The following SLC12A4 variants were observed in gnomAD, a reference collection of about 807,000 sequenced individuals.
The protein encoded by SLC12A4 is solute carrier family 12 member 4.
Under a neutral mutation model 119.2 loss-of-function variants are expected in SLC12A4, and 84 were observed. That is an observed-to-expected ratio of 0.70 (90% CI 0.59 to 0.85). SLC12A4 has a LOEUF of 0.85. Among genes scored for constraint, SLC12A4 ranks in the 40% least tolerant of loss-of-function variants. The pLI, the probability that SLC12A4 is intolerant of heterozygous loss-of-function variation, is 0.00. For missense variants in SLC12A4, 1,298 were observed against 1,476.3 expected, an observed-to-expected ratio of 0.88 and a Z score of 1.98; for synonymous variants, 599 against 604.6, an observed-to-expected ratio of 0.99 and a Z score of 0.14.
intron 1 of SLC12A4, among the ~76,000 whole-genome samples, chr16:67,966,094 C>T (rs1012755141): frequency 3.3e-5 from 5 of 152,180 alleles, no homozygotes; most frequent in Non-Finnish European, 5.9e-5. Flanking sequence ...CAGACCTTCC[C>T]CCGTGTGACC....
Position 67,950,017 on chromosome 16 carries a change from G to A in SLC12A4, c.1630-99C>T, listed in dbSNP as rs1390295864. The A allele has an allele frequency of 1.1e-6, 1 of 944,274 alleles. No homozygotes were observed. Among genetic ancestry groups the A allele is most frequent in the Non-Finnish European group, 1.7e-6 (1 of 599,222 alleles). 58.5% of individuals were successfully genotyped at this position (944,274 alleles called of 1,614,324 possible). The stretch of plus-strand genomic sequence containing the variant: ...CTCCCTCACCCCCAGGGCCCGCCTT[G>A]GGGGCTCAGGCCGCCCCTGTGTCTA... On this transcript the variant is annotated intron_variant, in intron 12 of 23. Transcript: ENST00000316341. The surrounding 1 kb of genome is among the most constrained non-coding windows in gnomAD (Gnocchi z 4.3).
In SLC12A4 at chr16:67,955,877, C is replaced by CAA. The variant is rs773351935; in HGVS notation, c.545-1106_545-1105dup. 5.9e-5 allele frequency among the ~76,000 whole-genome samples: 8 copies of CAA among 134,560 alleles called. No homozygotes were observed. The Middle Eastern group carries it at 0.012, about 209-fold the overall frequency. 88.3% of individuals were successfully genotyped at this position (134,560 alleles called of 152,430 possible). A position where few individuals can be genotyped will look rare whatever the true frequency, so the allele number is the denominator to read the frequency against. ...CTGGCGACAGAGTGAGACTCCGTCT[C>CAA]AAAAAAAAAAAAATGTCAGCTGGGC... On this transcript the variant is annotated intron_variant, in intron 5 of 23. Transcript: ENST00000316341.
Position 67,968,567 on chromosome 16 carries a change from CCCCGCCGCA to C in SLC12A4, c.-23_-15del, listed in dbSNP as rs2030969426. On this transcript the variant is annotated 5_prime_UTR_variant, in exon 1 of 24. Coordinates refer to ENST00000316341, the MANE Select transcript of SLC12A4 (RefSeq NM_005072.5). The stretch of plus-strand genomic sequence containing the variant: ...GAAGTGAGGCATCGTGCGGGCTCGG[CCCCGCCGCA>C]CCCGCCGTCCCAGCCGCCCGCCGCT... 1 of 1,505,370 alleles carries C rather than the reference CCCCGCCGCA, an allele frequency of 6.6e-7. No individual in the cohort carries two copies. Among genetic ancestry groups the C allele is most frequent in the Non-Finnish European group, 8.8e-7 (1 of 1,131,814 alleles). The allele number at this position is 1,505,370 out of a possible 1,614,324, so 93.3% of individuals were successfully genotyped here. A position where few individuals can be genotyped will look rare whatever the true frequency, so the allele number is the denominator to read the frequency against.
At chr16:67,963,947 C>G in intron 1 of SLC12A4, 1 of 1,551,524 alleles carries the variant, frequency 6.4e-7, no homozygotes, top group Non-Finnish European at 8.7e-7. Flanking sequence ...TGCAGGATGC[C>G]AAGGGTTCGG....
chr16:67,956,656 C>T lies in SLC12A4; in HGVS notation c.544+1086G>A, dbSNP rs1169931077. ...CTGAGATCATGCCACTGCACTCCAG[C>T]CTGGGTGACAGAGAGAGACTCTGTC... is the stretch of plus-strand genomic sequence containing the variant. On this transcript the variant is annotated intron_variant, in intron 5 of 23. Transcript: ENST00000316341. Among the ~76,000 whole-genome samples the T allele has an allele frequency of 2.0e-5, 3 of 151,962 alleles. No homozygotes were observed. The East Asian group carries it at 5.8e-4, about 29-fold the overall frequency.
rs761954895 is a variant in SLC12A4, at chr16:67,963,582, A to G, written c.116-23T>C. 8 of 1,517,372 alleles carry G rather than the reference A, an allele frequency of 5.3e-6. No homozygotes were observed. In the Admixed American group the frequency reaches 1.8e-4, roughly 34 times the overall value. The allele number at this position is 1,517,372 out of a possible 1,614,324, so 94.0% of individuals were successfully genotyped here. On this transcript the variant is annotated intron_variant, in intron 1 of 23. Transcript: ENST00000316341. ...GTCCTGTGAAGAGAGAGGGACAATC[A>G]GGGCCTGCTTCCTGAGCCCCCCAGC...
chr16:67,947,185 C>A, intron 16 of SLC12A4, 80 bp from the exon 17 acceptor site: 4 of 1,521,088 alleles, frequency 2.6e-6, no homozygotes, highest in Non-Finnish European at 3.5e-6. Flanking sequence ...CTTCTCGGGT[C>A]GTGGTCCCTG....
intron 3 of SLC12A4, among the ~76,000 whole-genome samples, chr16:67,958,762 C>T (rs964855728): frequency 2.0e-5 from 3 of 152,136 alleles, no homozygotes; most frequent in African/African-American, 7.2e-5. Context: ...TTCTGCGAAC[C>T]TGAGAATGTG....
At chr16:67,967,983 G>C (rs988062396) in intron 1 of SLC12A4, among the ~76,000 whole-genome samples, 1 of 152,198 alleles carries the variant, frequency 6.6e-6, no homozygotes, top group Non-Finnish European at 1.5e-5. Context: ...GGCGCAGAGA[G>C]GCACACGGAG....
chr16:67,951,945 T>C lies in SLC12A4; in HGVS notation c.1010A>G (p.Gln337Arg), dbSNP rs1008464449. Residue 337 changes from glutamine to arginine, a missense_variant, in exon 8 of 24, where the codon CAG (glutamine) becomes CGG (arginine). By Grantham distance (43) the Gln-to-Arg change is conservative. Coordinates refer to ENST00000316341, the MANE Select transcript of SLC12A4 (RefSeq NM_005072.5). This position sits in a 1 kb window ranked among gnomAD's most constrained non-coding sequence, Gnocchi z 5.2. Reference sequence around the variant, plus strand: ...GCTGTGGCAGAAGAAACTCCATAGCTGGGTGGCCACTGTCTCATTGTCCAC... The same window carrying C: ...GCTGTGGCAGAAGAAACTCCATAGCCGGGTGGCCACTGTCTCATTGTCCAC... The part of the protein sequence containing the change: ...AVVDNETVAT[Q>R]LWSFFCHSPN... The C allele has an allele frequency of 3.1e-5, 50 of 1,613,902 alleles. No homozygotes were observed. Among genetic ancestry groups the C allele is most frequent in the Non-Finnish European group, 4.0e-5 (47 of 1,180,016 alleles).
chr16:67,944,347 T>G lies in SLC12A4; in HGVS notation c.*493A>C. On this transcript the variant is annotated 3_prime_UTR_variant, in exon 24 of 24. Transcript: ENST00000316341. This position sits in a 1 kb window ranked among gnomAD's most constrained non-coding sequence, Gnocchi z 6.6. ...AGGAGGCCCAGAACTACACAATGTT[T>G]TATTGAAAAAGTCAGGCCTCAGCTC... is the stretch of plus-strand genomic sequence containing the variant. 2 of 1,366,510 alleles carry G rather than the reference T, an allele frequency of 1.5e-6. No individual in the cohort carries two copies. The highest frequency in any genetic ancestry group is 1.9e-6 in the Non-Finnish European group (2 of 1,060,946). The allele number at this position is 1,366,510 out of a possible 1,614,324, so 84.6% of individuals were successfully genotyped here. A position where few individuals can be genotyped will look rare whatever the true frequency, so the allele number is the denominator to read the frequency against.
intron 14 of SLC12A4, 125 bp downstream of exon 14, chr16:67,947,936 C>T: frequency 6.9e-7 from 1 of 1,459,356 alleles, no homozygotes; most frequent in Non-Finnish European, 9.6e-7. Context: ...AGGTCCAGTC[C>T]CCCGCAGCCC....
chr16:67,947,402 G>A lies in SLC12A4; in HGVS notation c.2001C>T (p.Gly667=). The change falls in exon 16 of 24, where the codon GGC becomes GGT. Residue 667 remains glycine, a synonymous_variant. Coordinates refer to ENST00000316341, the MANE Select transcript of SLC12A4 (RefSeq NM_005072.5). ...CGTAGCGGGCAGCGCTCAGGGACAGGCCTCGGATCCCGTCACCCCACTCCT... is the reference window on the plus strand; with the variant it reads ...CGTAGCGGGCAGCGCTCAGGGACAGACCTCGGATCCCGTCACCCCACTCCT... ...AEKEWGDGIR[G]LSLSAARYAL... is the part of the protein sequence containing the mutation. The A allele has an allele frequency of 5.0e-6, 8 of 1,612,736 alleles. No homozygotes were observed. The highest frequency in any genetic ancestry group is 6.8e-6 in the Non-Finnish European group (8 of 1,179,856).
At chr16:67,954,990 G>A (rs1002090048) in intron 5 of SLC12A4, among the ~76,000 whole-genome samples, 28 of 152,202 alleles carry the variant, frequency 1.8e-4, no homozygotes, top group Admixed American at 1.4e-3. Flanking sequence ...TGTCCAGCAC[G>A]GCCCGTGGAA....
Position 67,947,060 on chromosome 16 carries a change from C to T in SLC12A4, c.2118G>A (p.Val706=). The part of the protein sequence containing the change: ...VLLKLDEDLH[V]KYPRLLTFAS... ...CGAAGGTGAGGAGCCGCGGGTACTT[C>T]ACGTGGAGGTCCTCGTCCAGCTTCA... is the stretch of plus-strand genomic sequence containing the variant. Residue 706 remains valine, a synonymous_variant, in exon 17 of 24, where the codon GTG becomes GTA. Coordinates refer to ENST00000316341, the MANE Select transcript of SLC12A4 (RefSeq NM_005072.5). 6.2e-7 allele frequency: 1 copy of T among 1,610,948 alleles called. No individual in the cohort carries two copies. Among genetic ancestry groups the T allele is most frequent in the South Asian group, 1.1e-5 (1 of 90,888 alleles).
chr16:67,947,932 A>C (rs1218961883), intron 14 of SLC12A4, 129 bp downstream of exon 14: 10 of 1,457,216 alleles, frequency 6.9e-6, no homozygotes, highest in Non-Finnish European at 7.7e-6. Context: ...ACCTAGGTCC[A>C]GTCCCCCGCA....
At chr16:67,963,674 AC>A in intron 1 of SLC12A4, 115 bp from the exon 2 acceptor site, 1 of 865,348 alleles carries the variant, frequency 1.2e-6, no homozygotes, top group Non-Finnish European at 1.8e-6. Context: ...CTGCAGTGTC[AC>A]CAGGTTGCAA....
At chr16:67,964,055 C>G in intron 1 of SLC12A4, 5 of 1,548,892 alleles carry the variant, frequency 3.2e-6, no homozygotes, top group Non-Finnish European at 4.4e-6. Flanking sequence ...CTGGCTACCC[C>G]ACCATGCACT....
chr16:67,967,900 A>G (rs958971963), intron 1 of SLC12A4, among the ~76,000 whole-genome samples: 2 of 152,086 alleles, frequency 1.3e-5, no homozygotes, highest in African/African-American at 4.8e-5. Context: ...GTCCCTACAG[A>G]TCTACACCGG....
Sources: allele counts gnomAD v4.1 joint callset (sites outside exome capture counted in the v4.1 genomes callset), GRCh38; gene constraint gnomAD v4.1.1; non-coding constraint Gnocchi (gnomAD v3.1); transcripts MANE v1.5; gene names NCBI Gene and HGNC (gene_info 2026-07-23, HGNC 2026-07-21).